TMEM87B: variants seen among roughly 807,000 people sequenced by gnomAD.
TMEM87B encodes transmembrane protein 87B.
TMEM87B carries 83 observed loss-of-function variants against 80.3 expected under a neutral mutation model. The ratio of observed to expected loss-of-function variants is 1.03; its 90% CI spans 0.87 to 1.24. TMEM87B has a LOEUF of 1.24. Among genes scored for constraint, TMEM87B ranks in the 50% most tolerant of loss-of-function variants. The pLI is 0.00. For missense variants in TMEM87B, 625 were observed against 674.4 expected (o/e 0.93, Z 0.81); for synonymous variants, 219 against 230.5 (o/e 0.95, Z 0.45).
intron 8 of TMEM87B, among the ~76,000 whole-genome samples, chr2:112,082,751 C>T (rs568376741): frequency 7.5e-4 from 114 of 151,610 alleles, no homozygotes; most frequent in African/African-American, 2.5e-3. Context: ...AGAATTGAAG[C>T]ATTCCTGAAT....
At chr2:112,089,261 C>G (rs1198440405) in intron 9 of TMEM87B, among the ~76,000 whole-genome samples, 1 of 152,212 alleles carries the variant, frequency 6.6e-6, no homozygotes, top group African/African-American at 2.4e-5. Flanking sequence ...AGTTAGACTT[C>G]TCAGTGGCAC....
intron 11 of TMEM87B, chr2:112,095,630 GT>G (rs1193595191): frequency 3.0e-6 from 1 of 330,262 alleles, no homozygotes; most frequent in Non-Finnish European, 4.3e-6. Context: ...TGAATTGGTT[GT>G]ATTGTATTGC....
intron 9 of TMEM87B, among the ~76,000 whole-genome samples, chr2:112,086,509 A>G (rs924768702): frequency 1.3e-4 from 20 of 152,220 alleles, no homozygotes; most frequent in Non-Finnish European, 2.9e-5. Flanking sequence ...CTGTCCCTCA[A>G]GGACTCTGCT....
chr2:112,093,614 T>C (rs1289468195), intron 11 of TMEM87B, among the ~76,000 whole-genome samples: 1 of 152,220 alleles, frequency 6.6e-6, no homozygotes, highest in Non-Finnish European at 1.5e-5. Flanking sequence ...GTTTGTTGAA[T>C]AAAATTATAG....
intron 17 of TMEM87B, among the ~76,000 whole-genome samples, chr2:112,111,186 T>A (rs1395798051): frequency 6.6e-6 from 1 of 152,214 alleles, no homozygotes; most frequent in Non-Finnish European, 1.5e-5. Flanking sequence ...TTGTTTGTGA[T>A]CCTTAGTAAT....
Position 112,084,303 on chromosome 2 carries a change from C to G in TMEM87B, c.839-1702C>G, listed in dbSNP as rs147838956. Among the ~76,000 whole-genome samples the G allele has an allele frequency of 4.3e-4, 65 of 152,316 alleles. 1 individual carries two copies. The highest frequency in any genetic ancestry group is 1.2e-3 in the Admixed American group (19 of 15,300). On this transcript the variant is annotated intron_variant, in intron 8 of 18. Coordinates refer to ENST00000283206, the MANE Select transcript of TMEM87B (RefSeq NM_032824.3). ...TTACATTCTGCACTCTTTCGGAGAG[C>G]TCATCCATTGTTTTCCTCCTAAAGC...
At position 112,059,955 on chromosome 2, in the gene TMEM87B, CTG is replaced by C. The variant is rs757941899; in HGVS notation, c.166-18_166-17del. ...AAAAAAACTTTCTAACAAGATCTTC[CTG>C]TGTTTGTTTTTCATTTTAGAAATCA... On this transcript the variant is annotated intron_variant, in intron 1 of 18. Transcript: ENST00000283206. The C allele has an allele frequency of 6.3e-7, 1 of 1,592,668 alleles. No individual in the cohort carries two copies. Among genetic ancestry groups the C allele is most frequent in the Non-Finnish European group, 8.6e-7 (1 of 1,166,448 alleles).
intron 17 of TMEM87B, among the ~76,000 whole-genome samples, 190 bp downstream of exon 17, chr2:112,108,030 T>A (rs1049378142): frequency 6.6e-6 from 1 of 152,358 alleles, no homozygotes; most frequent in Middle Eastern, 3.4e-3. Context: ...TTTTTCACGA[T>A]ACAGCAACCA....
In TMEM87B at chr2:112,067,047, C is replaced by G. The variant is rs1369684851; in HGVS notation, c.430C>G (p.Gln144Glu). Residue 144 changes from glutamine (Q) to glutamate (E), a missense_variant, in exon 4 of 19, where the codon CAG (glutamine) becomes GAG (glutamate). By Grantham distance (29) the Gln-to-Glu change is conservative. Transcript: ENST00000283206. ...AAACTTAGATTGCAACAGTGATTCA[C>G]AGGTGTTTCCCTCTTTGAATGTGAG... ...NENLDCNSDS[Q>E]VFPSLNNKEL... 1 of 1,610,678 alleles carries G rather than the reference C, an allele frequency of 6.2e-7. No homozygotes were observed. The highest frequency in any genetic ancestry group is 1.3e-5 in the African/African-American group (1 of 74,782).
intron 6 of TMEM87B, 114 bp from the exon 7 acceptor site, chr2:112,080,943 C>A: frequency 1.1e-6 from 1 of 875,418 alleles, no homozygotes; most frequent in Non-Finnish European, 1.8e-6. Context: ...GTGCTACATA[C>A]AAATTCAGCA....
In TMEM87B at chr2:112,098,731, G is replaced by A. The variant is rs76533694; in HGVS notation, c.1376+33G>A. ...ACATAGGAAATTTCAAGTCGTCAAG[G>A]ATTTGTTGATCACCTTCTATAGTGT... On this transcript the variant is annotated intron_variant, in intron 14 of 18. Coordinates refer to ENST00000283206, the MANE Select transcript of TMEM87B (RefSeq NM_032824.3). 9.2e-4 allele frequency: 1,473 copies of A among 1,593,828 alleles called. 36 individuals carry two copies. In the East Asian group the frequency reaches 0.032, roughly 35 times the overall value.
rs752919096 is a variant in TMEM87B, at chr2:112,064,217, G to A, written c.282G>A (p.Lys94=). The part of the protein sequence containing the change: ...PVKFTIVWHL[K]YHTCHNEHSN... ...AGTTTACCATAGTGTGGCATTTGAAGTATCATACCTGTCACAATGAGCATT... is the reference window on the plus strand; with the variant it reads ...AGTTTACCATAGTGTGGCATTTGAAATATCATACCTGTCACAATGAGCATT... Residue 94 remains lysine (K), a synonymous_variant, in exon 3 of 19, where the codon AAG becomes AAA. Transcript: ENST00000283206. 12 of 1,613,772 alleles carry A rather than the reference G, an allele frequency of 7.4e-6. No homozygotes were observed. Among genetic ancestry groups the A allele is most frequent in the Non-Finnish European group, 8.5e-6 (10 of 1,179,876 alleles).
At position 112,055,450 on chromosome 2, in the gene TMEM87B, C is replaced by T. The variant is rs1678011033; in HGVS notation, c.-142C>T. On this transcript the variant is annotated 5_prime_UTR_variant, in exon 1 of 19. Coordinates refer to ENST00000283206, the MANE Select transcript of TMEM87B (RefSeq NM_032824.3). ...CCAGAACTGCACGGCGCCTCTCCGC[C>T]CAGGCCCAAGCGCGAGCCCCTCCTC... 1 of 1,013,232 alleles carries T rather than the reference C, an allele frequency of 9.9e-7. No individual in the cohort carries two copies. Among genetic ancestry groups the T allele is most frequent in the African/African-American group, 1.7e-5 (1 of 58,398 alleles). The allele number at this position is 1,013,232 out of a possible 1,614,324, so 62.8% of individuals were successfully genotyped here. A position where few individuals can be genotyped will look rare whatever the true frequency, so the allele number is the denominator to read the frequency against.
intron 2 of TMEM87B, among the ~76,000 whole-genome samples, chr2:112,060,314 A>C (rs1203525846): frequency 1.3e-5 from 2 of 151,022 alleles, no homozygotes; most frequent in Admixed American, 1.3e-4. Context: ...GCGCCACTGC[A>C]CTCCAGCCTG....
In TMEM87B at chr2:112,064,410, T is replaced by C. The variant is rs148454360; in HGVS notation, c.318+157T>C. ...ACTTATGGCAATAAACCAAGTTACA[T>C]GCTGAGAATACTACGAGCTTTTAGT... On this transcript the variant is annotated intron_variant, in intron 3 of 18. Coordinates refer to ENST00000283206, the MANE Select transcript of TMEM87B (RefSeq NM_032824.3). 3.8e-3 allele frequency among the ~76,000 whole-genome samples: 578 copies of C among 152,362 alleles called. 5 individuals carry two copies. Among genetic ancestry groups the C allele is most frequent in the African/African-American group, 0.013 (554 of 41,586 alleles).
At chr2:112,074,713 C>A (rs563596833) in intron 4 of TMEM87B, among the ~76,000 whole-genome samples, 199 bp from the exon 5 acceptor site, 2 of 152,206 alleles carry the variant, frequency 1.3e-5, no homozygotes, top group Admixed American at 1.3e-4. Flanking sequence ...GTCATAGATT[C>A]CATCTCTTTA....
At chr2:112,063,207 G>A (rs1678309360) in intron 2 of TMEM87B, among the ~76,000 whole-genome samples, 1 of 152,200 alleles carries the variant, frequency 6.6e-6, no homozygotes, top group Admixed American at 6.5e-5. Context: ...TGGAAATAAT[G>A]GCACATCCCT....
At position 112,093,822 on chromosome 2, in the gene TMEM87B, T is replaced by C. The variant is rs116568665; in HGVS notation, c.1104+2039T>C. On this transcript the variant is annotated intron_variant, in intron 11 of 18. Transcript: ENST00000283206. ...AAGTCTGTAGGTCCCACAGGACTGC[T>C]TGTTAAGGGGACTCTCCTGCCTTGA... is the stretch of plus-strand genomic sequence containing the variant. Among the ~76,000 whole-genome samples the C allele has an allele frequency of 3.2e-3, 480 of 152,318 alleles. 3 individuals are homozygous for C. Among genetic ancestry groups the C allele is most frequent in the African/African-American group, 0.011 (456 of 41,558 alleles).
chr2:112,080,426 A>AT (rs1678959264), intron 6 of TMEM87B, among the ~76,000 whole-genome samples: 1 of 148,968 alleles, frequency 6.7e-6, no homozygotes, highest in Non-Finnish European at 1.5e-5. Flanking sequence ...CGCCCGGCTA[A>AT]TTTTTTGTAT....
Sources: gnomAD v4.1 joint callset for allele counts (sites outside exome capture counted in the v4.1 genomes callset) on GRCh38, gnomAD v4.1.1 for gene constraint, MANE v1.5 for transcripts, NCBI Gene and HGNC (gene_info 2026-07-23, HGNC 2026-07-21) for gene names.